Variants in TRDN observed in about 807,000 individuals in gnomAD.
TRDN encodes the protein triadin in skeletal muscle.
Under a neutral mutation model 149.7 loss-of-function variants are expected in TRDN, and 161 were observed. The observed-to-expected ratio is 1.08, with a 90% confidence interval of 0.95 to 1.23. The LOEUF (loss-of-function observed/expected upper bound fraction) is 1.23, where lower values mean the gene tolerates loss of function less well. Ranked by LOEUF, TRDN falls within the 50% of genes most tolerant of loss-of-function variation. TRDN has a pLI of 0.00. For missense variants in TRDN, 896 were observed against 823.5 expected, an observed-to-expected ratio of 1.09 and a Z score of -1.08; for synonymous variants, 294 against 250.5, an observed-to-expected ratio of 1.17 and a Z score of -1.64.
chr6:123,507,283 T>C (rs1778973147), intron 7 of TRDN, among the ~76,000 whole-genome samples: 1 of 152,128 alleles, frequency 6.6e-6, no homozygotes, highest in Non-Finnish European at 1.5e-5. Context: ...AGTATGGAAC[T>C]ATAGATGTGT....
At chr6:123,537,882 T>A (rs1277921410) in intron 4 of TRDN, among the ~76,000 whole-genome samples, 1 of 152,234 alleles carries the variant, frequency 6.6e-6, no homozygotes, top group African/African-American at 2.4e-5. Context: ...TATCTACTTA[T>A]GATCATACCA....
chr6:123,497,769 T>C (rs1379438359), intron 8 of TRDN, among the ~76,000 whole-genome samples: 1 of 152,146 alleles, frequency 6.6e-6, no homozygotes, highest in Non-Finnish European at 1.5e-5. Flanking sequence ...TTAGGTGGCC[T>C]CTGAATAAAA....
Position 123,624,859 on chromosome 6 carries a change from A to G in TRDN, c.22+11895T>C, listed in dbSNP as rs146452145. On this transcript the variant is annotated intron_variant, in intron 1 of 40. Transcript: ENST00000334268. ...TGGGAGAACACTCAGATGGGATGAC[A>G]GGGAACTAGGAAACATAATAACTGT... 2.8e-3 allele frequency among the ~76,000 whole-genome samples: 429 copies of G among 152,302 alleles called. 2 individuals are homozygous for G. The highest frequency in any genetic ancestry group is 9.8e-3 in the African/African-American group (407 of 41,562).
At chr6:123,279,579 C>T (rs892606308) in intron 24 of TRDN, among the ~76,000 whole-genome samples, 2 of 151,742 alleles carry the variant, frequency 1.3e-5, no homozygotes, top group Non-Finnish European at 2.9e-5. Flanking sequence ...CACTGTTCAA[C>T]TCAACTTTTT....
At chr6:123,446,377 A>C (rs938135256) in intron 10 of TRDN, among the ~76,000 whole-genome samples, 3 of 152,034 alleles carry the variant, frequency 2.0e-5, no homozygotes, top group African/African-American at 7.2e-5. Context: ...CCTAAAACTT[A>C]AAGTATAATA....
At chr6:123,428,784 G>A (rs1169900879) in intron 12 of TRDN, among the ~76,000 whole-genome samples, 6 of 152,064 alleles carry the variant, frequency 3.9e-5, no homozygotes, top group East Asian at 1.9e-4. Flanking sequence ...TGATTTTTGC[G>A]TGAGGCCTTG....
chr6:123,356,884 T>G (rs1049168511), intron 20 of TRDN, among the ~76,000 whole-genome samples: 8 of 151,492 alleles, frequency 5.3e-5, no homozygotes, highest in African/African-American at 1.9e-4. Context: ...TCTTAATATA[T>G]TTTCATAAGC....
chr6:123,538,208 C>G (rs996153299), intron 4 of TRDN, among the ~76,000 whole-genome samples: 1 of 152,082 alleles, frequency 6.6e-6, no homozygotes, highest in African/African-American at 2.4e-5. Flanking sequence ...TGCCTTCTTA[C>G]ATTATTTCCC....
At chr6:123,364,489 T>C (rs962764687) in intron 20 of TRDN, among the ~76,000 whole-genome samples, 2 of 151,996 alleles carry the variant, frequency 1.3e-5, no homozygotes, top group African/African-American at 2.4e-5. Context: ...ATACAAAAAT[T>C]AGCTGGGCGT....
At chr6:123,264,663 G>C (rs1321058797) in intron 33 of TRDN, among the ~76,000 whole-genome samples, 2 of 76,498 alleles carry the variant, frequency 2.6e-5, no homozygotes, top group Non-Finnish European at 5.1e-5. Flanking sequence ...GAACTACAGA[G>C]AAATCTTTTG....
intron 38 of TRDN, among the ~76,000 whole-genome samples, chr6:123,243,261 C>G (rs1348817926): frequency 2.6e-5 from 4 of 152,124 alleles, no homozygotes; most frequent in Non-Finnish European, 5.9e-5. Context: ...GCTAACATCA[C>G]CATGGTCACT....
At chr6:123,441,726 C>A (rs776515129) in intron 10 of TRDN, among the ~76,000 whole-genome samples, 1 of 152,158 alleles carries the variant, frequency 6.6e-6, no homozygotes, top group African/African-American at 2.4e-5. Flanking sequence ...CCAGACAATA[C>A]ACAATATTTA....
chr6:123,277,185 A>C (rs1244022531), intron 26 of TRDN, among the ~76,000 whole-genome samples: 3 of 152,162 alleles, frequency 2.0e-5, no homozygotes, highest in Non-Finnish European at 4.4e-5. Flanking sequence ...TGAAGGAAGA[A>C]TCATACTCCA....
intron 12 of TRDN, among the ~76,000 whole-genome samples, chr6:123,432,943 C>A (rs1171330817): frequency 6.6e-6 from 1 of 151,732 alleles, no homozygotes; most frequent in East Asian, 1.9e-4. Flanking sequence ...GGACTGTATT[C>A]CCTTTTTCTT....
At chr6:123,278,242 G>T (rs564473250) in intron 26 of TRDN, 76 bp downstream of exon 26, 4 of 1,004,868 alleles carry the variant, frequency 4.0e-6, no homozygotes, top group Non-Finnish European at 5.5e-6. Flanking sequence ...ACTAGGACAT[G>T]ACATTTGCAA....
chr6:123,341,290 A>C (rs1780055038), intron 21 of TRDN, among the ~76,000 whole-genome samples: 1 of 151,888 alleles, frequency 6.6e-6, no homozygotes, highest in Non-Finnish European at 1.5e-5. Context: ...TGGTCAGGAC[A>C]CTGTCTTTAA....
chr6:123,264,651 A>G (rs1776877541), intron 33 of TRDN, among the ~76,000 whole-genome samples: 1 of 134,676 alleles, frequency 7.4e-6, no homozygotes, highest in Non-Finnish European at 1.6e-5. Context: ...AAATAGCCAT[A>G]CGAACTACAG....
At chr6:123,271,296 T>G (rs755665313) in intron 29 of TRDN, 110 bp from the exon 30 acceptor site, 3 of 658,596 alleles carry the variant, frequency 4.6e-6, no homozygotes, top group Non-Finnish European at 7.2e-6. Flanking sequence ...CAAGAAAAAC[T>G]TGTTGCCTCA....
intron 38 of TRDN, among the ~76,000 whole-genome samples, chr6:123,237,983 A>G (rs57412037): frequency 0.053 from 8,059 of 152,280 alleles, 631 homozygotes; most frequent in African/African-American, 0.18. Flanking sequence ...ATAGAGTTGA[A>G]TAATACATTA....
Sources: gnomAD v4.1 joint callset for allele counts (sites outside exome capture counted in the v4.1 genomes callset) on GRCh38, gnomAD v4.1.1 for gene constraint, MANE v1.5 for transcripts, NCBI Gene and HGNC (gene_info 2026-07-23, HGNC 2026-07-21) for gene names.